The following STK32B variants were observed in gnomAD, a reference collection of about 807,000 sequenced individuals.
The protein encoded by STK32B is serine/threonine-protein kinase 32B.
In STK32B, 43 loss-of-function variants were observed where a neutral mutation model predicts 52.6. The observed-to-expected ratio is 0.82, with a 90% CI of 0.64 to 1.05. The LOEUF (loss-of-function observed/expected upper bound fraction) is 1.05. STK32B is among the 50% of genes least tolerant of loss of function. STK32B has a pLI of 0.00. For synonymous variants in STK32B, 238 were observed against 204.3 expected (o/e 1.17, Z -1.41); for missense variants, 621 against 534.6 (o/e 1.16, Z -1.59).
At chr4:5,218,605 T>G (rs2108793838) in intron 3 of STK32B, among the ~76,000 whole-genome samples, 1 of 152,346 alleles carries the variant, frequency 6.6e-6, no homozygotes, top group East Asian at 1.9e-4. Context: ...CATGCTGGCC[T>G]CCTCATTCAA....
rs1433293597 is a variant in STK32B, at chr4:5,062,305, C to T, written c.52+10390C>T. Among the ~76,000 whole-genome samples, 5 of 152,136 alleles carry T rather than the reference C, an allele frequency of 3.3e-5. No homozygotes were observed. In the East Asian group the frequency reaches 7.7e-4, roughly 23 times the overall value. ...ATTAAGCAGCTCTCACTAGGGTCAT[C>T]GTGAGCTTTTTGTTTCTGAAGGCAT... On this transcript the variant is annotated intron_variant, in intron 1 of 11. Coordinates refer to ENST00000282908, the MANE Select transcript of STK32B (RefSeq NM_018401.3).
At chr4:5,286,623 G>A (rs1339365134) in intron 3 of STK32B, among the ~76,000 whole-genome samples, 1 of 152,054 alleles carries the variant, frequency 6.6e-6, no homozygotes, top group Admixed American at 6.6e-5. Flanking sequence ...TTGTTGCAAT[G>A]TAGCACTAGT....
At chr4:5,313,351 TAAA>T (rs1426358881) in intron 3 of STK32B, among the ~76,000 whole-genome samples, 2 of 151,966 alleles carry the variant, frequency 1.3e-5, no homozygotes, top group Admixed American at 6.6e-5. Context: ...ACATTCATGA[TAAA>T]AACTCTCAGG....
chr4:5,416,927 C>A lies in STK32B; in HGVS notation c.555C>A (p.Pro185=), dbSNP rs1358302530. 1 of 1,612,656 alleles carries A rather than the reference C, an allele frequency of 6.2e-7. No individual in the cohort carries two copies. Among genetic ancestry groups the A allele is most frequent in the Admixed American group, 1.7e-5 (1 of 59,852 alleles). ...ERASSMAGTK[P]YMAPEVFQVY... ...CTTCCTCCATGGCTGGCACCAAGCC[C>A]TACATGGGTGAGTGTTCCAGGCCCC... is the stretch of plus-strand genomic sequence containing the variant. The change falls in exon 6 of 12, where the codon CCC becomes CCA. Residue 185 remains proline (P), a synonymous_variant. Transcript: ENST00000282908.
intron 6 of STK32B, among the ~76,000 whole-genome samples, chr4:5,443,006 A>T (rs1423252000): frequency 1.3e-5 from 2 of 151,460 alleles, no homozygotes; most frequent in Admixed American, 1.3e-4. Context: ...CTTTGAGGGT[A>T]ACCCGACCTT....
chr4:5,498,015 C>T (rs1173170022), intron 11 of STK32B, among the ~76,000 whole-genome samples: 4 of 152,026 alleles, frequency 2.6e-5, no homozygotes, highest in African/African-American at 9.7e-5. Flanking sequence ...CTCTATGATC[C>T]CCTTAGCCTC....
intron 1 of STK32B, among the ~76,000 whole-genome samples, chr4:5,057,994 T>A (rs180991225): frequency 6.6e-6 from 1 of 152,304 alleles, no homozygotes; most frequent in Admixed American, 6.5e-5. Context: ...GCTGAGGTCA[T>A]TCCCTTAGCT....
At chr4:5,165,686 C>T (rs750094513) in intron 2 of STK32B, among the ~76,000 whole-genome samples, 3 of 152,128 alleles carry the variant, frequency 2.0e-5, no homozygotes, top group Non-Finnish European at 2.9e-5. Context: ...GCCCGGGCCT[C>T]CAGAAGTCTT....
chr4:5,159,465 C>T (rs988670058), intron 2 of STK32B, among the ~76,000 whole-genome samples: 17 of 119,732 alleles, frequency 1.4e-4, no homozygotes, highest in African/African-American at 2.0e-4. Context: ...TATATATATA[C>T]ACACACACAT....
chr4:5,456,849 C>G lies in STK32B; in HGVS notation c.709C>G (p.Leu237Val). Reference sequence around the variant, plus strand: ...CTCGGTCACGCCCATCGATGAAATCCTCAACATGTTCAAGGTGGAGCGTGT... The same window carrying G: ...CTCGGTCACGCCCATCGATGAAATCGTCAACATGTTCAAGGTGGAGCGTGT... ...IHSVTPIDEILNMFKVERVHY... is the reference protein window; with the variant it reads ...IHSVTPIDEIVNMFKVERVHY... Residue 237 changes from leucine to valine, a missense_variant, in exon 8 of 12, where the codon CTC becomes GTC. Leu to Val is a conservative substitution (Grantham distance 32). Transcript: ENST00000282908. 2 of 1,599,070 alleles carry G rather than the reference C, an allele frequency of 1.3e-6. No individual in the cohort carries two copies. Among genetic ancestry groups the G allele is most frequent in the Non-Finnish European group, 1.7e-6 (2 of 1,171,142 alleles).
the STK32B span, among the ~76,000 whole-genome samples, chr4:5,037,997 G>A: frequency 6.6e-6 from 1 of 152,050 alleles, no homozygotes; most frequent in Non-Finnish European, 1.5e-5. Flanking sequence ...CTCCCCACCC[G>A]TCCATCCTTG....
intron 1 of STK32B, among the ~76,000 whole-genome samples, chr4:5,083,646 T>C: frequency 6.6e-6 from 1 of 152,204 alleles, no homozygotes; most frequent in East Asian, 1.9e-4. Context: ...TAAGTAATAA[T>C]TGGGCCACTG....
intron 3 of STK32B, among the ~76,000 whole-genome samples, chr4:5,311,914 A>ATATATATAT (rs143725868): frequency 0.018 from 2,667 of 145,420 alleles, 78 homozygotes; most frequent in African/African-American, 0.066. Context: ...ATATATATAT[A>ATATATATAT]TTTTTTTTTA....
At chr4:5,376,265 GCTTC>G (rs774341051) in intron 4 of STK32B, among the ~76,000 whole-genome samples, 12 of 152,184 alleles carry the variant, frequency 7.9e-5, no homozygotes, top group Non-Finnish European at 1.6e-4. Context: ...GTGGATTTAT[GCTTC>G]CTTTATTCTT....
At chr4:5,363,469 C>T (rs868425261) in intron 4 of STK32B, among the ~76,000 whole-genome samples, 1 of 152,132 alleles carries the variant, frequency 6.6e-6, no homozygotes, top group Non-Finnish European at 1.5e-5. Context: ...CCTGTGGGTT[C>T]TGGGCAGATT....
intron 3 of STK32B, among the ~76,000 whole-genome samples, chr4:5,305,264 G>C (rs559198027): frequency 1.0e-4 from 15 of 146,262 alleles, no homozygotes; most frequent in African/African-American, 4.2e-4. Flanking sequence ...CAGTAGGATT[G>C]GTCCCAATTC....
At chr4:5,134,984 C>G (rs1715990980) in intron 1 of STK32B, among the ~76,000 whole-genome samples, 1 of 152,176 alleles carries the variant, frequency 6.6e-6, no homozygotes, top group African/African-American at 2.4e-5. Flanking sequence ...AATAACTGGT[C>G]TAGTGGAAAT....
intron 2 of STK32B, among the ~76,000 whole-genome samples, chr4:5,166,574 A>G (rs1718884837): frequency 6.6e-6 from 1 of 150,760 alleles, no homozygotes; most frequent in South Asian, 2.1e-4. Context: ...GTGACAACAG[A>G]GCCTAGGACG....
chr4:5,367,161 A>C (rs1734931192), intron 4 of STK32B, among the ~76,000 whole-genome samples: 1 of 152,164 alleles, frequency 6.6e-6, no homozygotes, highest in African/African-American at 2.4e-5. Context: ...GCTAAAATAG[A>C]AATGTAACAC....
Sources: allele counts gnomAD v4.1 joint callset (sites outside exome capture counted in the v4.1 genomes callset), GRCh38; gene constraint gnomAD v4.1.1; transcripts MANE v1.5; gene names NCBI Gene and HGNC (gene_info 2026-07-23, HGNC 2026-07-21).